The following ANO4 variants were observed in gnomAD, a reference collection of about 807,000 sequenced individuals.
The protein encoded by ANO4 is anoctamin 4.
Under a neutral mutation model 141.9 loss-of-function variants are expected in ANO4, and 69 were observed. That is an observed-to-expected ratio of 0.49 (90% CI 0.40 to 0.59). The LOEUF (loss-of-function observed/expected upper bound fraction) is 0.59, where lower values mean the gene tolerates loss of function less well. Among genes scored for constraint, ANO4 ranks in the 20% least tolerant of loss-of-function variants. The pLI is 0.00. For missense variants in ANO4, 894 were observed against 1,162.2 expected (o/e 0.77, Z 3.36); for synonymous variants, 350 against 394.3 (o/e 0.89, Z 1.33).
intron 17 of ANO4, 138 bp downstream of exon 17, chr12:101,086,962 C>A: frequency 9.8e-7 from 1 of 1,025,060 alleles, no homozygotes; most frequent in Non-Finnish European, 1.4e-6. Context: ...AGCGAAGTGC[C>A]TGGCATGAAG....
At chr12:101,027,653 G>A (rs2046800160) in intron 9 of ANO4, among the ~76,000 whole-genome samples, 1 of 152,078 alleles carries the variant, frequency 6.6e-6, no homozygotes, top group African/African-American at 2.4e-5. Flanking sequence ...CTATATGGTG[G>A]GGCTTCCCTA....
intron 5 of ANO4, among the ~76,000 whole-genome samples, chr12:100,962,748 C>T (rs1407545738): frequency 2.0e-5 from 3 of 152,162 alleles, no homozygotes; most frequent in East Asian, 1.9e-4. Flanking sequence ...TTCTTCAAAG[C>T]GAGCAGGAGA....
At chr12:100,740,223 A>G in intron 3 of ANO4, 6 of 643,754 alleles carry the variant, frequency 9.3e-6, no homozygotes, top group East Asian at 5.5e-5. Flanking sequence ...ATGGACCCCA[A>G]CAATACCTCT....
At chr12:100,972,857 A>G (rs2043990603) in intron 6 of ANO4, among the ~76,000 whole-genome samples, 1 of 152,238 alleles carries the variant, frequency 6.6e-6, no homozygotes, top group African/African-American at 2.4e-5. Flanking sequence ...CAGGGAGATG[A>G]TAGAAACTTG....
At chr12:100,730,798 C>T (rs997195699) in intron 1 of ANO4, among the ~76,000 whole-genome samples, 3 of 152,004 alleles carry the variant, frequency 2.0e-5, no homozygotes, top group Non-Finnish European at 4.4e-5. Flanking sequence ...TGGCCACATA[C>T]ACTTGCTAGA....
chr12:100,736,407 A>G (rs898195201), intron 2 of ANO4, among the ~76,000 whole-genome samples: 1 of 152,186 alleles, frequency 6.6e-6, no homozygotes, highest in African/African-American at 2.4e-5. Flanking sequence ...GAGGAGATGG[A>G]GTCCCTGAGA....
intron 9 of ANO4, among the ~76,000 whole-genome samples, chr12:101,036,745 A>G (rs1267198615): frequency 6.6e-6 from 1 of 152,224 alleles, no homozygotes; most frequent in Admixed American, 6.5e-5. Context: ...CATTTATAAA[A>G]TGAATGAGTT....
intron 11 of ANO4, among the ~76,000 whole-genome samples, chr12:101,041,603 C>T (rs2047413609): frequency 6.6e-6 from 1 of 152,088 alleles, no homozygotes; most frequent in Admixed American, 6.6e-5. Flanking sequence ...GTACTATTGG[C>T]AAAGCCAAAC....
chr12:100,733,628 G>A, intron 1 of ANO4: 1 of 550,692 alleles, frequency 1.8e-6, no homozygotes, highest in South Asian at 2.4e-5. Flanking sequence ...CCTAAACGTT[G>A]ATGGGTGAAC....
At chr12:101,023,069 A>C (rs1040562397) in intron 9 of ANO4, among the ~76,000 whole-genome samples, 1 of 152,176 alleles carries the variant, frequency 6.6e-6, no homozygotes, top group Non-Finnish European at 1.5e-5. Flanking sequence ...GGATAATAAG[A>C]TCCTTAACTG....
intron 1 of ANO4, among the ~76,000 whole-genome samples, chr12:100,815,276 A>G (rs2035670615): frequency 6.6e-6 from 1 of 152,120 alleles, no homozygotes; most frequent in Non-Finnish European, 1.5e-5. Context: ...TCAGCAAGTT[A>G]CTGTATTTTT....
intron 9 of ANO4, among the ~76,000 whole-genome samples, chr12:101,034,012 A>G (rs2047093367): frequency 6.6e-6 from 1 of 152,166 alleles, no homozygotes; most frequent in South Asian, 2.1e-4. Context: ...GGCTGTGGAG[A>G]AATAGGAACA....
At chr12:100,924,658 A>C (rs948305288) in intron 3 of ANO4, among the ~76,000 whole-genome samples, 11 of 152,180 alleles carry the variant, frequency 7.2e-5, no homozygotes, top group African/African-American at 2.4e-4. Context: ...GAGAGAAAAT[A>C]ACTTTTCATG....
chr12:101,089,851 G>A (rs2049680321), intron 17 of ANO4, among the ~76,000 whole-genome samples: 1 of 152,126 alleles, frequency 6.6e-6, no homozygotes, highest in African/African-American at 2.4e-5. Flanking sequence ...CTACCCATCT[G>A]ACAAGGGGCT....
At chr12:100,817,527 G>T (rs1325607627) in intron 1 of ANO4, among the ~76,000 whole-genome samples, 3 of 151,852 alleles carry the variant, frequency 2.0e-5, no homozygotes, top group Non-Finnish European at 4.4e-5. Context: ...TAAAATGTGG[G>T]TTTTACTGTA....
At chr12:101,124,828 A>G (rs1818343375) in intron 26 of ANO4, among the ~76,000 whole-genome samples, 1 of 152,116 alleles carries the variant, frequency 6.6e-6, no homozygotes, top group Non-Finnish European at 1.5e-5. Context: ...CCATTGGTCT[A>G]TGTGTCTGTT....
At chr12:101,123,315 A>AT (rs1876942916) in intron 26 of ANO4, among the ~76,000 whole-genome samples, 1 of 152,038 alleles carries the variant, frequency 6.6e-6, no homozygotes, top group African/African-American at 2.4e-5. Flanking sequence ...TTTGTTTGGG[A>AT]TTTTTTTATT....
At chr12:100,974,007 C>T (rs545761286) in intron 6 of ANO4, among the ~76,000 whole-genome samples, 10 of 152,154 alleles carry the variant, frequency 6.6e-5, no homozygotes, top group Non-Finnish European at 1.2e-4. Context: ...AGTAACAGTT[C>T]GGGATATACA....
intron 1 of ANO4, among the ~76,000 whole-genome samples, chr12:100,829,067 C>T (rs1400158713): frequency 2.0e-5 from 3 of 151,624 alleles, no homozygotes; most frequent in Non-Finnish European, 2.9e-5. Context: ...GGATGAAATA[C>T]CCTCATAGTG....
Sources: gnomAD v4.1 joint callset for allele counts (sites outside exome capture counted in the v4.1 genomes callset) on GRCh38, gnomAD v4.1.1 for gene constraint, MANE v1.5 for transcripts, NCBI Gene and HGNC (gene_info 2026-07-23, HGNC 2026-07-21) for gene names.